The following GRIP1 variants were observed in gnomAD, a reference collection of about 807,000 sequenced individuals.
GRIP1 encodes the protein glutamate receptor interacting protein 1.
In GRIP1, 45 loss-of-function variants were observed where a neutral mutation model predicts 129.9. That is an observed-to-expected ratio of 0.35 (90% CI 0.27 to 0.44). The LOEUF is 0.44. Among genes scored for constraint, GRIP1 ranks in the 20% least tolerant of loss-of-function variants. The probability of loss-of-function intolerance (pLI) is 1.00; values close to 1 mark genes in which losing one functional copy is unlikely to be tolerated. For synonymous variants in GRIP1, 530 were observed against 520.8 expected (o/e 1.02, Z -0.24); for missense variants, 1,196 against 1,396.8 (o/e 0.86, Z 2.29).
intron 7 of GRIP1, among the ~76,000 whole-genome samples, chr12:66,477,393 G>A (rs1390897897): frequency 1.4e-4 from 21 of 151,740 alleles, no homozygotes; most frequent in Admixed American, 1.4e-3. Flanking sequence ...ACAAACAAAT[G>A]GAAGAACATT....
intron 22 of GRIP1, among the ~76,000 whole-genome samples, chr12:66,375,202 T>C (rs967630823): frequency 1.3e-5 from 2 of 152,134 alleles, no homozygotes; most frequent in African/African-American, 2.4e-5. Flanking sequence ...ATAGAAGAAA[T>C]ATCTGATAAG....
chr12:66,631,805 G>C (rs1216580801), intron 1 of GRIP1, among the ~76,000 whole-genome samples: 1 of 152,232 alleles, frequency 6.6e-6, no homozygotes, highest in Non-Finnish European at 1.5e-5. Context: ...CACAAGGTGA[G>C]TATTTTAACG....
intron 1 of GRIP1, among the ~76,000 whole-genome samples, chr12:66,779,234 T>C (rs573940891): frequency 1.3e-5 from 2 of 152,342 alleles, no homozygotes; most frequent in East Asian, 3.9e-4. Flanking sequence ...TGGACTTTAC[T>C]ATCTGACAAA....
At chr12:66,641,338 G>A (rs944572173) in intron 1 of GRIP1, among the ~76,000 whole-genome samples, 2 of 145,338 alleles carry the variant, frequency 1.4e-5, no homozygotes, top group African/African-American at 2.5e-5. Flanking sequence ...AAAACCATGT[G>A]GGACATCTGA....
At chr12:66,785,899 T>C (rs118072504) in intron 1 of GRIP1, among the ~76,000 whole-genome samples, 7,515 of 150,418 alleles carry the variant, frequency 0.05, 338 homozygotes, top group East Asian at 0.17. Flanking sequence ...CTGGGCAAAA[T>C]AGAGAGACTC....
chr12:66,741,359 TA>T (rs1161171731), intron 1 of GRIP1, among the ~76,000 whole-genome samples: 1 of 152,164 alleles, frequency 6.6e-6, no homozygotes, highest in Non-Finnish European at 1.5e-5. Flanking sequence ...ACATTAAAAA[TA>T]AACTTTCCAA....
intron 1 of GRIP1, among the ~76,000 whole-genome samples, chr12:66,777,286 A>G (rs2038012025): frequency 6.6e-6 from 1 of 151,728 alleles, no homozygotes; most frequent in South Asian, 2.1e-4. Context: ...CTCAAATGTG[A>G]CAGGTACCCT....
At chr12:66,517,462 G>T (rs2060879381) in intron 6 of GRIP1, among the ~76,000 whole-genome samples, 1 of 152,160 alleles carries the variant, frequency 6.6e-6, no homozygotes, top group African/African-American at 2.4e-5. Flanking sequence ...TGTTGAGAAT[G>T]GTAAGAATCT....
At chr12:66,885,976 A>C (rs1169681490) in intron 1 of GRIP1, among the ~76,000 whole-genome samples, 3 of 152,188 alleles carry the variant, frequency 2.0e-5, no homozygotes, top group Non-Finnish European at 4.4e-5. Context: ...CAAGCTATGA[A>C]AAATTTATGG....
chr12:66,815,842 TTCTTTCTTTCTTTC>T, intron 1 of GRIP1, among the ~76,000 whole-genome samples: 1 of 43,066 alleles, frequency 2.3e-5, no homozygotes, highest in Non-Finnish European at 7.7e-5. Context: ...CTTTCTTTCT[TTCTTTCTTTCTTTC>T]TCTCTCTCTC....
At chr12:66,841,879 G>A (rs1384165405) in intron 1 of GRIP1, among the ~76,000 whole-genome samples, 1 of 152,024 alleles carries the variant, frequency 6.6e-6, no homozygotes, top group African/African-American at 2.4e-5. Context: ...AGGCAAAGTA[G>A]GCAAAATACT....
At chr12:66,896,866 A>C (rs984116573) in intron 1 of GRIP1, among the ~76,000 whole-genome samples, 1 of 152,218 alleles carries the variant, frequency 6.6e-6, no homozygotes, top group Admixed American at 6.5e-5. Context: ...GATTTCAAAA[A>C]CATTCCCATG....
At position 66,356,378 on chromosome 12, in the gene GRIP1, GC is replaced by G. The variant is rs371701698; in HGVS notation, c.3013-2816del. Among the ~76,000 whole-genome samples, 114 of 152,256 alleles carry G rather than the reference GC, an allele frequency of 7.5e-4. 2 individuals carry two copies. In the East Asian group the frequency reaches 0.014, roughly 19 times the overall value. On this transcript the variant is annotated intron_variant, in intron 23 of 24. Transcript: ENST00000359742. The stretch of plus-strand genomic sequence containing the variant: ...CTTCTGACTGCAAAGCTTAGATCTT[GC>G]CATAGCACACTCTCTCCTTGCCTAG...
At chr12:66,601,532 C>A (rs919722387) in intron 1 of GRIP1, among the ~76,000 whole-genome samples, 3 of 152,182 alleles carry the variant, frequency 2.0e-5, no homozygotes, top group African/African-American at 7.2e-5. Flanking sequence ...GTGTTCAAAG[C>A]TTTGCTGAAG....
intron 1 of GRIP1, among the ~76,000 whole-genome samples, chr12:66,819,322 G>T (rs1250280343): frequency 6.6e-6 from 1 of 152,160 alleles, no homozygotes; most frequent in Non-Finnish European, 1.5e-5. Flanking sequence ...ACATAAGATG[G>T]TAGTTATGTT....
chr12:67,042,603 G>T (rs998470533), intron 1 of GRIP1, among the ~76,000 whole-genome samples: 1 of 151,898 alleles, frequency 6.6e-6, no homozygotes, highest in South Asian at 2.1e-4. Context: ...TCTCTTATCT[G>T]GTATTTGAAT....
At chr12:66,506,906 G>A (rs1012018439) in intron 7 of GRIP1, among the ~76,000 whole-genome samples, 1 of 151,758 alleles carries the variant, frequency 6.6e-6, no homozygotes, top group African/African-American at 2.4e-5. Flanking sequence ...AACAGAGAAC[G>A]TATAAGAAAA....
At chr12:66,603,901 A>C (rs1823496555) in intron 1 of GRIP1, among the ~76,000 whole-genome samples, 1 of 152,214 alleles carries the variant, frequency 6.6e-6, no homozygotes, top group Non-Finnish European at 1.5e-5. Context: ...TGTAATAATA[A>C]TCTATTAGTC....
intron 1 of GRIP1, among the ~76,000 whole-genome samples, chr12:67,068,447 C>G (rs1046069932): frequency 6.6e-6 from 1 of 152,104 alleles, no homozygotes; most frequent in South Asian, 2.1e-4. Flanking sequence ...CAGCCCCAGA[C>G]CCTGATCGAG....
Sources: gnomAD v4.1 joint callset for allele counts (sites outside exome capture counted in the v4.1 genomes callset) on GRCh38, gnomAD v4.1.1 for gene constraint, MANE v1.5 for transcripts, NCBI Gene and HGNC (gene_info 2026-07-23, HGNC 2026-07-21) for gene names.